Variants in FSTL5 observed in about 807,000 individuals in gnomAD.
The protein encoded by FSTL5 is follistatin-related protein 5.
In FSTL5, 62 loss-of-function variants were observed where a neutral mutation model predicts 89.1. The observed-to-expected ratio is 0.70, with a 90% CI of 0.57 to 0.86. FSTL5 has a LOEUF of 0.86. Ranked by LOEUF, FSTL5 falls within the 40% of genes least tolerant of loss-of-function variation. FSTL5 has a pLI of 0.00. For missense variants in FSTL5, 1,057 were observed against 1,001.6 expected (o/e 1.06, Z -0.75); for synonymous variants, 383 against 346.2 (o/e 1.11, Z -1.18).
chr4:161,968,559 A>C (rs1336583987), intron 3 of FSTL5, among the ~76,000 whole-genome samples: 1 of 152,142 alleles, frequency 6.6e-6, no homozygotes, highest in Non-Finnish European at 1.5e-5. Flanking sequence ...TAATATTTAA[A>C]CTAGACATTT....
At chr4:161,796,611 CT>C (rs1560851282) in intron 4 of FSTL5, among the ~76,000 whole-genome samples, 1 of 151,236 alleles carries the variant, frequency 6.6e-6, no homozygotes, top group African/African-American at 2.4e-5. Context: ...TTGCTGTTGT[CT>C]TTTTTATGTT....
At chr4:161,493,018 A>C (rs1261756056) in intron 12 of FSTL5, among the ~76,000 whole-genome samples, 1 of 151,992 alleles carries the variant, frequency 6.6e-6, no homozygotes, top group African/African-American at 2.4e-5. Context: ...ATATGGAAAA[A>C]AATTTAAAGA....
At chr4:161,660,825 T>C (rs1736680343) in intron 6 of FSTL5, among the ~76,000 whole-genome samples, 2 of 152,206 alleles carry the variant, frequency 1.3e-5, no homozygotes, top group South Asian at 4.1e-4. Context: ...TATGGCTTCA[T>C]AGTATTCCAT....
At chr4:161,811,583 T>C (rs1730149153) in intron 4 of FSTL5, among the ~76,000 whole-genome samples, 1 of 152,002 alleles carries the variant, frequency 6.6e-6, no homozygotes, top group South Asian at 2.1e-4. Context: ...TCTGAAAGCA[T>C]AGAAATGAAA....
chr4:161,496,060 T>C (rs1019867105), intron 12 of FSTL5, among the ~76,000 whole-genome samples: 2 of 152,154 alleles, frequency 1.3e-5, no homozygotes, highest in African/African-American at 4.8e-5. Context: ...TACTGTTTCA[T>C]GGCAATTGCA....
intron 6 of FSTL5, among the ~76,000 whole-genome samples, chr4:161,731,155 A>G (rs1739593625): frequency 6.6e-6 from 1 of 152,158 alleles, no homozygotes. Flanking sequence ...TAAATGTATG[A>G]GTTGATGAAT....
chr4:161,489,376 G>C (rs1729789272), intron 12 of FSTL5, among the ~76,000 whole-genome samples: 1 of 151,896 alleles, frequency 6.6e-6, no homozygotes, highest in South Asian at 2.1e-4. Context: ...AAAAGGTCTA[G>C]AGTTAGGTCC....
chr4:162,028,108 G>T, intron 3 of FSTL5, among the ~76,000 whole-genome samples: 1 of 151,954 alleles, frequency 6.6e-6, no homozygotes, highest in Non-Finnish European at 1.5e-5. Context: ...AATAAATCAC[G>T]AATCTCTTGA....
intron 10 of FSTL5, among the ~76,000 whole-genome samples, chr4:161,526,931 C>G (rs1376374342): frequency 1.3e-5 from 2 of 152,116 alleles, no homozygotes; most frequent in Non-Finnish European, 2.9e-5. Flanking sequence ...GTGATGCGGG[C>G]TCTTTTTTGG....
chr4:161,785,714 T>A (rs1741880626), intron 4 of FSTL5, among the ~76,000 whole-genome samples: 2 of 152,184 alleles, frequency 1.3e-5, no homozygotes, highest in Admixed American at 6.5e-5. Flanking sequence ...TCCTTAAGCA[T>A]GTTTAATGCT....
intron 5 of FSTL5, among the ~76,000 whole-genome samples, chr4:161,773,239 T>TA (rs1184207715): frequency 3.9e-5 from 6 of 152,204 alleles, no homozygotes; most frequent in Middle Eastern, 3.4e-3. Flanking sequence ...ACCATAAAAA[T>TA]TCTAGAAGAT....
At chr4:161,527,050 G>A (rs1006153957) in intron 10 of FSTL5, among the ~76,000 whole-genome samples, 16 of 152,178 alleles carry the variant, frequency 1.1e-4, no homozygotes, top group South Asian at 2.1e-4. Context: ...CCATTTTCAC[G>A]ATATTGATTC....
At chr4:161,497,847 G>A (rs995751518) in intron 12 of FSTL5, among the ~76,000 whole-genome samples, 7 of 151,494 alleles carry the variant, frequency 4.6e-5, no homozygotes, top group Non-Finnish European at 8.8e-5. Flanking sequence ...TTCACTGTTT[G>A]AAGAAAATAA....
rs185634569 is a variant in FSTL5 at position 161,652,933 on chromosome 4, T to C, written c.894+3395A>G. Among the ~76,000 whole-genome samples, 914 of 152,286 alleles carry C rather than the reference T, an allele frequency of 6.0e-3. 9 individuals carry two copies. The highest frequency in any genetic ancestry group is 0.045 in the South Asian group (218 of 4,824). On this transcript the variant is annotated intron_variant, in intron 7 of 15. Transcript: ENST00000306100. The stretch of plus-strand genomic sequence containing the variant: ...AATTCACTTTTGTAAAAATAGATAA[T>C]GTACTTCTAGGGTATATACACTGAC...
intron 4 of FSTL5, among the ~76,000 whole-genome samples, chr4:161,822,547 A>C (rs1730524325): frequency 6.6e-6 from 1 of 152,202 alleles, no homozygotes; most frequent in Non-Finnish European, 1.5e-5. Context: ...TGGGCACCAG[A>C]GAATGCAGTG....
intron 4 of FSTL5, among the ~76,000 whole-genome samples, chr4:161,820,934 T>C (rs1412067330): frequency 1.1e-5 from 1 of 92,766 alleles, no homozygotes; most frequent in African/African-American, 3.6e-5. Flanking sequence ...ATTTCAAAGA[T>C]TGGTTGTCCA....
chr4:161,944,077 G>A (rs768473727), intron 3 of FSTL5, among the ~76,000 whole-genome samples: 1 of 151,976 alleles, frequency 6.6e-6, no homozygotes, highest in African/African-American at 2.4e-5. Context: ...TCCTTTCTCT[G>A]CAATGCCAAT....
At chr4:161,498,677 G>T (rs573523506) in intron 12 of FSTL5, among the ~76,000 whole-genome samples, 1 of 152,062 alleles carries the variant, frequency 6.6e-6, no homozygotes, top group Non-Finnish European at 1.5e-5. Flanking sequence ...AAATTATTTT[G>T]CTCTGATTTA....
chr4:162,122,457 T>C (rs1403864273), intron 1 of FSTL5, among the ~76,000 whole-genome samples: 2 of 152,112 alleles, frequency 1.3e-5, no homozygotes, highest in Non-Finnish European at 2.9e-5. Flanking sequence ...CATTTCCTAG[T>C]CATGGTCTTG....
Sources: allele counts gnomAD v4.1 joint callset (sites outside exome capture counted in the v4.1 genomes callset), GRCh38; gene constraint gnomAD v4.1.1; transcripts MANE v1.5; gene names NCBI Gene and HGNC (gene_info 2026-07-23, HGNC 2026-07-21).